The following MSANTD2 variants were observed in gnomAD, a reference collection of about 807,000 sequenced individuals.
MSANTD2 encodes the protein Myb/SANT DNA binding domain containing 2, also known as myb/SANT-like DNA-binding domain-containing protein 2.
MSANTD2 carries 19 observed loss-of-function variants against 52.6 expected under a neutral mutation model. That is an observed-to-expected ratio of 0.36 (90% CI 0.25 to 0.53). The LOEUF (loss-of-function observed/expected upper bound fraction) is 0.53, where lower values mean the gene tolerates loss of function less well. Ranked by LOEUF, MSANTD2 falls within the 20% of genes least tolerant of loss-of-function variation. The pLI is 0.91. For synonymous variants in MSANTD2, 291 were observed against 289.7 expected, an observed-to-expected ratio of 1.00 and a Z score of -0.04; for missense variants, 558 against 716.3, an observed-to-expected ratio of 0.78 and a Z score of 2.52.
In MSANTD2 at chr11:124,767,450, G is replaced by C. The variant is rs780575059; in HGVS notation, c.1406C>G (p.Pro469Arg). ...GAGGTAGCAATAGATAATTCGGGTG[G>C]GTTCTATTTCCACCTGTAATGAGGC... ...AQASLQVEIE[P>R]TRIIYCYLGI... is the part of the protein sequence containing the mutation. The change falls in exon 4 of 4, where the codon CCC (proline) becomes CGC (arginine). Residue 469 changes from proline to arginine, a missense_variant. Transcript: ENST00000374979. The surrounding 1 kb of genome is among the most constrained non-coding windows in gnomAD (Gnocchi z 6.5). The C allele has an allele frequency of 6.2e-7, 1 of 1,614,150 alleles. No homozygotes were observed. Among genetic ancestry groups the C allele is most frequent in the East Asian group, 2.2e-5 (1 of 44,882 alleles).
Position 124,766,984 on chromosome 11 carries a change from A to G in MSANTD2, c.*192T>C. ...CTATATATCTTGCTTGCTCAAAATG[A>G]GCATTTTCAGGTGAGGTCTGTTTTT... is the stretch of plus-strand genomic sequence containing the variant. On this transcript the variant is annotated 3_prime_UTR_variant, in exon 4 of 4. Transcript: ENST00000374979. 2 of 561,298 alleles carry G rather than the reference A, an allele frequency of 3.6e-6. No individual in the cohort carries two copies. Among genetic ancestry groups the G allele is most frequent in the South Asian group, 6.7e-5 (2 of 29,954 alleles). 34.8% of individuals were successfully genotyped at this position (561,298 alleles called of 1,614,324 possible).
chr11:124,784,015 C>T (rs1170404683), intron 1 of MSANTD2: 1 of 985,220 alleles, frequency 1.0e-6, no homozygotes, highest in African/African-American at 1.7e-5. Flanking sequence ...TTCTCAAGTG[C>T]TTTTCTATTT....
At chr11:124,778,733 G>A (rs1944840517) in intron 1 of MSANTD2, among the ~76,000 whole-genome samples, 1 of 152,184 alleles carries the variant, frequency 6.6e-6, no homozygotes, top group Non-Finnish European at 1.5e-5. Context: ...CCAAAGCAGG[G>A]AGAAAAATAA....
rs1944327603 is a variant in MSANTD2, at chr11:124,767,077, A to G, written c.*99T>C. The G allele has an allele frequency of 8.3e-7, 1 of 1,209,680 alleles. No homozygotes were observed. Among genetic ancestry groups the G allele is most frequent in the South Asian group, 1.5e-5 (1 of 66,028 alleles). The allele number at this position is 1,209,680 out of a possible 1,614,324, so 74.9% of individuals were successfully genotyped here. A position where few individuals can be genotyped will look rare whatever the true frequency, so the allele number is the denominator to read the frequency against. ...CCAATTGAAGAAAGGGTTTCCATGA[A>G]GAGTCTGACGGCGGCATCTGGATGA... On this transcript the variant is annotated 3_prime_UTR_variant, in exon 4 of 4. Coordinates refer to ENST00000374979, the MANE Select transcript of MSANTD2 (RefSeq NM_001308027.2). This position sits in a 1 kb window ranked among gnomAD's most constrained non-coding sequence, Gnocchi z 6.5.
intron 1 of MSANTD2, chr11:124,790,186 T>A (rs1219889044): frequency 6.6e-6 from 1 of 152,220 alleles, no homozygotes; most frequent in East Asian, 1.9e-4. Flanking sequence ...TAGTTCTTAC[T>A]CTCTGGTAAT....
At chr11:124,791,691 G>C (rs1313283798) in intron 1 of MSANTD2, 1 of 1,171,768 alleles carries the variant, frequency 8.5e-7, no homozygotes, top group Non-Finnish European at 1.3e-6. Context: ...AGGCAAGGCT[G>C]TGGCTGGGGA....
At position 124,774,666 on chromosome 11, in the gene MSANTD2, A is replaced by G; in HGVS notation, c.766+53T>C. ...GTAATAAGTACTGGTGCACATACAT[A>G]AAGGTATATAAATATACACAAACAT... On this transcript the variant is annotated intron_variant, in intron 2 of 3. Transcript: ENST00000374979. This position sits in a 1 kb window ranked among gnomAD's most constrained non-coding sequence, Gnocchi z 5.1. 6.5e-7 allele frequency: 1 copy of G among 1,538,528 alleles called. No individual in the cohort carries two copies. The highest frequency in any genetic ancestry group is 1.2e-5 in the South Asian group (1 of 85,340).
At chr11:124,793,301 T>C (rs1945390058) in intron 1 of MSANTD2, among the ~76,000 whole-genome samples, 1 of 152,228 alleles carries the variant, frequency 6.6e-6, no homozygotes, top group South Asian at 2.1e-4. Flanking sequence ...ATTCAGTTTG[T>C]TATTCAGTAC....
chr11:124,792,557 G>A (rs1209796885), intron 1 of MSANTD2: 1 of 152,082 alleles, frequency 6.6e-6, no homozygotes, highest in Non-Finnish European at 1.5e-5. Context: ...TCACCCTTCA[G>A]GATCCACCTT....
intron 3 of MSANTD2, among the ~76,000 whole-genome samples, chr11:124,772,386 C>T (rs1422175181): frequency 6.6e-6 from 1 of 152,166 alleles, no homozygotes; most frequent in Non-Finnish European, 1.5e-5. Context: ...TTCTTCTATA[C>T]AAAATTCTCA....
intron 1 of MSANTD2, among the ~76,000 whole-genome samples, chr11:124,799,408 C>T (rs998114734): frequency 6.6e-6 from 1 of 152,222 alleles, no homozygotes; most frequent in African/African-American, 2.4e-5. Flanking sequence ...TATGGCTCCG[C>T]TACGGCCACT....
At chr11:124,776,754 C>A (rs1473544040) in intron 1 of MSANTD2, among the ~76,000 whole-genome samples, 1 of 152,194 alleles carries the variant, frequency 6.6e-6, no homozygotes, top group Non-Finnish European at 1.5e-5. Context: ...AACAGAGCAA[C>A]AATTAAGAGT....
Position 124,799,866 on chromosome 11 carries a change from G to C in MSANTD2, c.510+5C>G. 3.2e-6 allele frequency: 5 copies of C among 1,573,586 alleles called. No homozygotes were observed. The highest frequency in any genetic ancestry group is 4.3e-6 in the Non-Finnish European group (5 of 1,168,064). On this transcript the variant is annotated splice_donor_5th_base_variant and intron_variant, in intron 1 of 3. Transcript: ENST00000374979. The stretch of plus-strand genomic sequence containing the variant: ...TTCGCTGCCCCAGGCCGGGCGGCCG[G>C]TTACCTTGATGCGCTCCCGGCACTG...
chr11:124,799,542 G>T (rs1022284025), intron 1 of MSANTD2, among the ~76,000 whole-genome samples: 8 of 152,216 alleles, frequency 5.3e-5, no homozygotes, highest in African/African-American at 1.9e-4. Context: ...GGCCCCGGCG[G>T]TGGGGGCAAG....
chr11:124,769,159 C>A (rs544576527), intron 3 of MSANTD2, among the ~76,000 whole-genome samples: 1 of 152,158 alleles, frequency 6.6e-6, no homozygotes, highest in Non-Finnish European at 1.5e-5. Context: ...CGTTCTCATA[C>A]CTTCTAGGGG....
intron 1 of MSANTD2, among the ~76,000 whole-genome samples, chr11:124,795,206 T>A (rs1945457373): frequency 6.6e-6 from 1 of 152,190 alleles, no homozygotes; most frequent in South Asian, 2.1e-4. Context: ...ATTTGTCTGA[T>A]GAGCGACCAG....
chr11:124,776,828 G>A (rs1485905055), intron 1 of MSANTD2, among the ~76,000 whole-genome samples: 1 of 152,190 alleles, frequency 6.6e-6, no homozygotes, highest in African/African-American at 2.4e-5. Flanking sequence ...TCCCTTTCTT[G>A]AGATCTCTTC....
chr11:124,785,428 G>A (rs1393906903), intron 1 of MSANTD2, among the ~76,000 whole-genome samples: 1 of 152,262 alleles, frequency 6.6e-6, no homozygotes, highest in Non-Finnish European at 1.5e-5. Flanking sequence ...GAGAAGCAGG[G>A]CTGGGCACAG....
At chr11:124,797,010 T>C (rs942521423) in intron 1 of MSANTD2, among the ~76,000 whole-genome samples, 6 of 152,214 alleles carry the variant, frequency 3.9e-5, no homozygotes, top group Non-Finnish European at 8.8e-5. Flanking sequence ...AGGAATATGA[T>C]TTCAGTGACC....
Sources: gnomAD v4.1 joint callset for allele counts (sites outside exome capture counted in the v4.1 genomes callset) on GRCh38, gnomAD v4.1.1 for gene constraint, Gnocchi (gnomAD v3.1) non-coding constraint, MANE v1.5 for transcripts, NCBI Gene and HGNC (gene_info 2026-07-23, HGNC 2026-07-21) for gene names.